Variants in C1GALT1 observed in about 807,000 individuals in gnomAD.
C1GALT1 encodes core 1 synthase, glycoprotein-N-acetylgalactosamine 3-beta-galactosyltransferase 1, also known as glycoprotein-N-acetylgalactosamine 3-beta-galactosyltransferase 1.
A neutral mutation model predicts 31.0 loss-of-function variants in C1GALT1; 11 were observed. The observed-to-expected ratio is 0.36, with a 90% confidence interval of 0.22 to 0.59. C1GALT1 has a LOEUF of 0.59. C1GALT1 is among the 20% of genes least tolerant of loss of function. C1GALT1 has a pLI of 0.79. For missense variants in C1GALT1, 424 were observed against 425.2 expected (o/e 1.00, Z 0.03); for synonymous variants, 175 against 143.6 (o/e 1.22, Z -1.56).
At chr7:7,219,462 C>G (rs557802896) in intron 1 of C1GALT1, among the ~76,000 whole-genome samples, 6 of 152,218 alleles carry the variant, frequency 3.9e-5, no homozygotes, top group African/African-American at 1.4e-4. Context: ...TGGGAAATCT[C>G]TGTTCTCCTT....
intron 1 of C1GALT1, among the ~76,000 whole-genome samples, chr7:7,217,099 C>T (rs1782280483): frequency 1.3e-5 from 2 of 152,130 alleles, no homozygotes; most frequent in South Asian, 2.1e-4. Context: ...TGCATACTTA[C>T]CAGTCTGATG....
Position 7,238,538 on chromosome 7 carries a change from A to G in C1GALT1, c.504A>G (p.Ala168=). The change falls in exon 3 of 4, where the codon GCA becomes GCG. Residue 168 remains alanine, a synonymous_variant. Transcript: ENST00000436587. This position sits in a 1 kb window ranked among gnomAD's most constrained non-coding sequence, Gnocchi z 5.2. ...YLEDADWFLK[A]DDDTYVILDN... is the part of the protein sequence containing the mutation. ...AAGATGCTGATTGGTTTTTGAAAGC[A>G]GATGATGACACGTATGTCATACTAG... is the stretch of plus-strand genomic sequence containing the variant. 6.2e-7 allele frequency: 1 copy of G among 1,614,154 alleles called. No individual in the cohort carries two copies. The highest frequency in any genetic ancestry group is 8.5e-7 in the Non-Finnish European group (1 of 1,179,992).
intron 1 of C1GALT1, among the ~76,000 whole-genome samples, chr7:7,219,876 G>A (rs1464182975): frequency 1.3e-5 from 2 of 151,942 alleles, no homozygotes; most frequent in East Asian, 3.9e-4. Flanking sequence ...GTTCACTTAT[G>A]TTCTAATATG....
At chr7:7,180,317 T>G (rs1375567220), upstream of C1GALT1, among the ~76,000 whole-genome samples, 1 of 152,256 alleles carries the variant, frequency 6.6e-6, no homozygotes, top group Non-Finnish European at 1.5e-5. Flanking sequence ...TTAATGTCAC[T>G]TCTAGGAATG....
rs566231627 is a variant in C1GALT1 at position 7,189,036 on chromosome 7, C to T, written c.-18+6216C>T. Among the ~76,000 whole-genome samples the T allele has an allele frequency of 4.7e-4, 72 of 152,184 alleles. 1 individual carries two copies. Among genetic ancestry groups the T allele is most frequent in the African/African-American group, 1.7e-3 (70 of 41,546 alleles). ...TGTTTAGGTTTGTTCCTTTTGTTTT[C>T]TTTACATTTTCTGATGTTTAAAAAA... On this transcript the variant is annotated intron_variant, in intron 1 of 3. Transcript: ENST00000436587.
At chr7:7,170,723 A>C (rs935582157) in intron 2 of C1GALT1, among the ~76,000 whole-genome samples, 1 of 152,232 alleles carries the variant, frequency 6.6e-6, no homozygotes, top group Non-Finnish European at 1.5e-5. Context: ...CAGAGGTTGC[A>C]GTGAGCCAAG....
At chr7:7,167,419 T>A (rs11770958) in intron 2 of C1GALT1, among the ~76,000 whole-genome samples, 15,721 of 152,180 alleles carry the variant, frequency 0.1, 836 homozygotes, top group East Asian at 0.21. Flanking sequence ...AATGTTATAC[T>A]GCACATTACA....
intron 2 of C1GALT1, among the ~76,000 whole-genome samples, chr7:7,236,105 A>C (rs568507582): frequency 1.3e-5 from 2 of 152,228 alleles, no homozygotes; most frequent in African/African-American, 4.8e-5. Flanking sequence ...TTCCTTCAGC[A>C]CATTGAATCC....
At chr7:7,185,239 G>T (rs972699934) in intron 1 of C1GALT1, among the ~76,000 whole-genome samples, 1 of 152,160 alleles carries the variant, frequency 6.6e-6, no homozygotes, top group African/African-American at 2.4e-5. Flanking sequence ...TGGGGGCAAC[G>T]AGAGGCAATA....
intron 1 of C1GALT1, among the ~76,000 whole-genome samples, chr7:7,188,165 T>G (rs1780903825): frequency 6.6e-6 from 1 of 152,196 alleles, no homozygotes; most frequent in Non-Finnish European, 1.5e-5. Flanking sequence ...TTGGCAAGAC[T>G]TGGTAATTGG....
At chr7:7,243,145 C>T (rs1783704757) in intron 3 of C1GALT1, among the ~76,000 whole-genome samples, 1 of 152,014 alleles carries the variant, frequency 6.6e-6, no homozygotes, top group Non-Finnish European at 1.5e-5. Flanking sequence ...ATGAGCCACA[C>T]AAAAAATTAC....
chr7:7,240,818 C>G (rs745833926), intron 3 of C1GALT1, among the ~76,000 whole-genome samples: 8 of 152,074 alleles, frequency 5.3e-5, no homozygotes. Flanking sequence ...CTATTATTAT[C>G]CATCTATCAT....
intron 1 of C1GALT1, among the ~76,000 whole-genome samples, chr7:7,207,790 G>GTT (rs201676323): frequency 7.6e-6 from 1 of 132,158 alleles, no homozygotes; most frequent in Non-Finnish European, 1.6e-5. Context: ...TTTTTTCTTT[G>GTT]TTTTTTTTTT....
intron 2 of C1GALT1, among the ~76,000 whole-genome samples, chr7:7,162,634 A>G (rs1780347151): frequency 6.6e-6 from 1 of 152,002 alleles, no homozygotes; most frequent in Non-Finnish European, 1.5e-5. Context: ...TATACCCAGT[A>G]ATGGGATGGC....
At chr7:7,208,298 T>G (rs1305684847) in intron 1 of C1GALT1, among the ~76,000 whole-genome samples, 1 of 151,990 alleles carries the variant, frequency 6.6e-6, no homozygotes, top group Non-Finnish European at 1.5e-5. Flanking sequence ...ATTGTCATGA[T>G]TTTTTTTATT....
chr7:7,239,014 CCAA>C (rs755306101), intron 3 of C1GALT1, 92 bp downstream of exon 3: 149 of 1,024,072 alleles, frequency 1.5e-4, no homozygotes, highest in Non-Finnish European at 1.9e-4. Context: ...TTCTTTAGTA[CCAA>C]CAACAAGGAC....
At chr7:7,200,980 G>T (rs1583769272) in intron 1 of C1GALT1, among the ~76,000 whole-genome samples, 1 of 152,106 alleles carries the variant, frequency 6.6e-6, no homozygotes, top group Non-Finnish European at 1.5e-5. Context: ...ATTACCGATT[G>T]TCTGAAGCCT....
In C1GALT1 at chr7:7,234,368, G is replaced by A. The variant is rs1783237685; in HGVS notation, c.49G>A (p.Ala17Thr). ...TTTTTTAACCTTCCTCTGTGGATCAGCAATAGGATTTCTTTTATGTTCTCA... is the reference window on the plus strand; with the variant it reads ...TTTTTTAACCTTCCTCTGTGGATCAACAATAGGATTTCTTTTATGTTCTCA... ...LNFLTFLCGS[A>T]IGFLLCSQLF... Residue 17 changes from alanine to threonine, a missense_variant, in exon 2 of 4, where the codon GCA becomes ACA. Ala to Thr is a moderately conservative substitution (Grantham distance 58, BLOSUM62 0). Around this residue, in one of 3 missense-constraint regions of C1GALT1, gnomAD observed 189 missense variants for 158.2 expected, o/e 1.19. Transcript: ENST00000436587. 6.2e-7 allele frequency: 1 copy of A among 1,613,822 alleles called. No homozygotes were observed. The highest frequency in any genetic ancestry group is 1.1e-5 in the South Asian group (1 of 91,076).
intron 1 of C1GALT1, among the ~76,000 whole-genome samples, chr7:7,189,756 A>G (rs534741480): frequency 1.1e-4 from 16 of 152,270 alleles, no homozygotes; most frequent in Admixed American, 7.2e-4. Context: ...AGAGATCTCA[A>G]TTCGTAATAT....
Sources: allele counts gnomAD v4.1 joint callset (sites outside exome capture counted in the v4.1 genomes callset), GRCh38; gene constraint gnomAD v4.1.1; regional missense constraint gnomAD v4.1.1; non-coding constraint Gnocchi (gnomAD v3.1); transcripts MANE v1.5; gene names NCBI Gene and HGNC (gene_info 2026-07-23, HGNC 2026-07-21).